VWDE: variants seen among roughly 807,000 people sequenced by gnomAD.
The protein encoded by VWDE is von Willebrand factor D and EGF domain-containing protein.
Under a neutral mutation model 178.4 loss-of-function variants are expected in VWDE, and 207 were observed. The observed-to-expected ratio is 1.16, with a 90% CI of 1.04 to 1.30. VWDE has a LOEUF of 1.30. VWDE is among the 50% of genes most tolerant of loss of function. The pLI, the probability that VWDE is intolerant of heterozygous loss-of-function variation, is 0.00. For missense variants in VWDE, 2,287 were observed against 1,901.3 expected (o/e 1.20, Z -3.77); for synonymous variants, 738 against 651.4 (o/e 1.13, Z -2.02).
In VWDE at chr7:12,370,414, G is replaced by T; in HGVS notation, c.1892C>A (p.Ala631Glu). The change falls in exon 12 of 29, where the codon GCG (alanine) becomes GAG (glutamate). Residue 631 changes from alanine to glutamate, a missense_variant. Coordinates refer to ENST00000275358, the MANE Select transcript of VWDE (RefSeq NM_001135924.3). ...GTCCAGATCTTCGGAAGACGGATAC[G>T]CTGCAGTGTCCAATGAACAGCTACA... ...SYCSCSLDTA[A>E]YPSSEDLDSV... is the part of the protein sequence containing the mutation. 6.5e-7 allele frequency: 1 copy of T among 1,547,104 alleles called. No homozygotes were observed. Among genetic ancestry groups the T allele is most frequent in the Non-Finnish European group, 8.7e-7 (1 of 1,146,774 alleles).
chr7:12,343,089 C>A lies in VWDE; in HGVS notation c.4168G>T (p.Glu1390Ter). The change falls in exon 22 of 29, where the codon GAA becomes TAA. Residue 1390 changes from glutamate to a stop codon, truncating the protein, a stop_gained. Transcript: ENST00000275358. LOFTEE classifies it high-confidence loss of function. ...TCAGGAGAGCTTTGCTTACTTGTTT[C>A]ACACCTTGGTCCTACAAAACCATAA... ...CPYGFVGPRC[E>*]TMVCNRHCEN... 1 of 1,548,526 alleles carries A rather than the reference C, an allele frequency of 6.5e-7. No individual in the cohort carries two copies. The highest frequency in any genetic ancestry group is 1.2e-5 in the South Asian group (1 of 83,814).
chr7:12,387,316 G>A (rs1784150821), intron 3 of VWDE, among the ~76,000 whole-genome samples: 1 of 152,088 alleles, frequency 6.6e-6, no homozygotes, highest in East Asian at 1.9e-4. Context: ...AAATTGGAGT[G>A]TGTGTCATTG....
In VWDE at chr7:12,356,180, G is replaced by C; in HGVS notation, c.3676C>G (p.Pro1226Ala). 1.3e-6 allele frequency: 2 copies of C among 1,551,394 alleles called. No individual in the cohort carries two copies. Among genetic ancestry groups the C allele is most frequent in the South Asian group, 2.4e-5 (2 of 84,046 alleles). Reference protein sequence around the residue: ...EVDISGCQSNPCGLGSYISGF... With the variant: ...EVDISGCQSNACGLGSYISGF... ...CTAATATAGCTGCCAAGACCACAAGGGTTGGATTGGCACCCACTAATGTCC... is the reference window on the plus strand; with the variant it reads ...CTAATATAGCTGCCAAGACCACAAGCGTTGGATTGGCACCCACTAATGTCC... The change falls in exon 18 of 29, where the codon CCT (proline) becomes GCT (alanine). Residue 1226 changes from proline to alanine, a missense_variant. By Grantham distance (27) the Pro-to-Ala change is conservative. Transcript: ENST00000275358.
chr7:12,332,040 T>G (rs1223471897), intron 28 of VWDE, among the ~76,000 whole-genome samples: 1 of 152,012 alleles, frequency 6.6e-6, no homozygotes, highest in Non-Finnish European at 1.5e-5. Context: ...GAACCCTCCT[T>G]TGGGGAAGGT....
intron 21 of VWDE, among the ~76,000 whole-genome samples, chr7:12,343,605 C>G (rs138157788): frequency 2.0e-5 from 3 of 152,202 alleles, no homozygotes; most frequent in African/African-American, 7.2e-5. Context: ...TAACATGGCT[C>G]TCAGCTTATC....
intron 22 of VWDE, among the ~76,000 whole-genome samples, chr7:12,342,698 A>AT (rs1392518187): frequency 6.6e-6 from 1 of 151,150 alleles, no homozygotes; most frequent in African/African-American, 2.4e-5. Context: ...TATTATTATT[A>AT]TACTTCAAGT....
rs140236971 is a variant in VWDE, at chr7:12,361,465, G to T, written c.2955C>A (p.His985Gln). Residue 985 changes from histidine to glutamine, a missense_variant, in exon 14 of 29, where the codon CAC becomes CAA. Physicochemically the swap from His to Gln is conservative, Grantham distance 24 (BLOSUM62 0). Coordinates refer to ENST00000275358, the MANE Select transcript of VWDE (RefSeq NM_001135924.3). ...GEPIYTQTVF[H>Q]NSRAVDCQLP... ...GCTGACAATCAACAGCTCTGCTATT[G>T]TGGAAAACAGTCTGTGTATAGATGG... is the stretch of plus-strand genomic sequence containing the variant. 246 of 1,551,168 alleles carry T rather than the reference G, an allele frequency of 1.6e-4. 1 individual carries two copies. The African/African-American group carries it at 3.1e-3, about 20-fold the overall frequency.
chr7:12,344,987 C>G (rs892081489), intron 19 of VWDE, among the ~76,000 whole-genome samples: 1 of 151,846 alleles, frequency 6.6e-6, no homozygotes, highest in Non-Finnish European at 1.5e-5. Flanking sequence ...CTGATTAATG[C>G]TGGGAAATTC....
At chr7:12,382,023 C>T (rs907159590) in intron 4 of VWDE, among the ~76,000 whole-genome samples, 1 of 151,774 alleles carries the variant, frequency 6.6e-6, no homozygotes, top group Non-Finnish European at 1.5e-5. Context: ...ATTATGTCTA[C>T]TTAGAAAATC....
Position 12,361,204 on chromosome 7 carries a change from T to G in VWDE, c.3102A>C (p.Ile1034=), listed in dbSNP as rs1262742728. ...YKFSNPKITV[I]YDGACQVCGL... ...CACAAACTTGGCAAGCACCATCATA[T>G]ATGACCGTTATTTTGGGATTACTGA... Residue 1034 remains isoleucine, a synonymous_variant, in exon 15 of 29, where the codon ATA becomes ATC. Transcript: ENST00000275358. 1.9e-6 allele frequency: 3 copies of G among 1,548,272 alleles called. No homozygotes were observed. The highest frequency in any genetic ancestry group is 2.6e-6 in the Non-Finnish European group (3 of 1,144,330).
chr7:12,369,510 A>T, intron 12 of VWDE, 35 bp downstream of exon 12: 1 of 1,479,294 alleles, frequency 6.8e-7, no homozygotes, highest in Non-Finnish European at 9.0e-7. Context: ...ATGAAATATC[A>T]CATGCAATAT....
chr7:12,383,280 G>C (rs2128559307), intron 4 of VWDE, among the ~76,000 whole-genome samples: 1 of 152,188 alleles, frequency 6.6e-6, no homozygotes, highest in South Asian at 2.1e-4. Context: ...TTTTAAGAAT[G>C]TTGATATGAA....
chr7:12,370,078 C>T lies in VWDE; in HGVS notation c.2228G>A (p.Arg743Lys). Residue 743 changes from arginine (R) to lysine (K), a missense_variant, in exon 12 of 29, where the codon AGG becomes AAG. Physicochemically the swap from Arg to Lys is conservative, Grantham distance 26 (BLOSUM62 2). Coordinates refer to ENST00000275358, the MANE Select transcript of VWDE (RefSeq NM_001135924.3). ...TTTCCATCTGTTTTGTCGATTGTAC[C>T]TCATTTCTTGGCTGTGGCTTCCCCG... The part of the protein sequence containing the change: ...QGRGSHSQEM[R>K]YNRQNRWKRQ... 6.4e-7 allele frequency: 1 copy of T among 1,551,526 alleles called. No individual in the cohort carries two copies. Among genetic ancestry groups the T allele is most frequent in the South Asian group, 1.2e-5 (1 of 84,058 alleles).
At chr7:12,402,146 G>A (rs1387823129) in intron 1 of VWDE, among the ~76,000 whole-genome samples, 4 of 152,232 alleles carry the variant, frequency 2.6e-5, no homozygotes, top group Admixed American at 1.3e-4. Context: ...GGGGAGAAAG[G>A]GAGGGTGATA....
rs1249044839 is a variant in VWDE at position 12,375,071 on chromosome 7, A to G, written c.1181T>C (p.Val394Ala). Residue 394 changes from valine (V) to alanine (A), a missense_variant, in exon 8 of 29, where the codon GTA (valine) becomes GCA (alanine). Physicochemically the swap from Val to Ala is moderately conservative, Grantham distance 64. Coordinates refer to ENST00000275358, the MANE Select transcript of VWDE (RefSeq NM_001135924.3). ...SRDGDRVSNI[V>A]VQPIVNEDFL... ...ATCCTCATTAACTATTGGTTGCACT[A>G]CAATGTTTGAGACTCTATCTCCATC... 1 of 1,551,212 alleles carries G rather than the reference A, an allele frequency of 6.4e-7. No homozygotes were observed. The highest frequency in any genetic ancestry group is 8.7e-7 in the Non-Finnish European group (1 of 1,146,704).
At chr7:12,359,742 A>G (rs1243466570) in intron 15 of VWDE, 50 bp from the exon 16 acceptor site, 1 of 1,166,140 alleles carries the variant, frequency 8.6e-7, no homozygotes, top group Admixed American at 2.5e-5. Flanking sequence ...GCGTGTAGAA[A>G]AAAAAAAGTA....
At chr7:12,396,522 C>T in intron 1 of VWDE, among the ~76,000 whole-genome samples, 1 of 152,218 alleles carries the variant, frequency 6.6e-6, no homozygotes, top group Non-Finnish European at 1.5e-5. Context: ...CACTTTTGAT[C>T]CCCAAATGTA....
chr7:12,384,266 G>A (rs78806779), intron 3 of VWDE, among the ~76,000 whole-genome samples: 4,136 of 152,196 alleles, frequency 0.027, 180 homozygotes, highest in African/African-American at 0.093. Context: ...TACCTACTAA[G>A]TGATTCCAAC....
Position 12,360,474 on chromosome 7 carries a change from C to T in VWDE, c.3159+673G>A, listed in dbSNP as rs542177595. Among the ~76,000 whole-genome samples the T allele has an allele frequency of 5.3e-5, 8 of 152,082 alleles. No individual in the cohort carries two copies. The South Asian group carries it at 1.5e-3, about 28-fold the overall frequency. On this transcript the variant is annotated intron_variant, in intron 15 of 28. Coordinates refer to ENST00000275358, the MANE Select transcript of VWDE (RefSeq NM_001135924.3). ...CAAAACCAGAGATTTGATCTGATGA[C>T]TAATCTCAAGAAAATAAATTTTAAA...
Sources: allele counts gnomAD v4.1 joint callset (sites outside exome capture counted in the v4.1 genomes callset), GRCh38; gene constraint gnomAD v4.1.1; transcripts MANE v1.5; gene names NCBI Gene and HGNC (gene_info 2026-07-23, HGNC 2026-07-21).